The following GALNT13 variants were observed in gnomAD, a reference collection of about 807,000 sequenced individuals.
GALNT13 encodes UDP-GalNAc:polypeptide N-acetylgalactosaminyltransferase 13.
GALNT13 carries 28 observed loss-of-function variants against 64.2 expected under a neutral mutation model. The ratio of observed to expected loss-of-function variants is 0.44; its 90% CI spans 0.32 to 0.60. GALNT13 has a LOEUF of 0.60. Ranked by LOEUF, GALNT13 falls within the 20% of genes least tolerant of loss-of-function variation. The pLI is 0.05. For synonymous variants in GALNT13, 214 were observed against 224.6 expected, an observed-to-expected ratio of 0.95 and a Z score of 0.42; for missense variants, 577 against 669.8, an observed-to-expected ratio of 0.86 and a Z score of 1.53.
intron 3 of GALNT13, among the ~76,000 whole-genome samples, chr2:154,004,831 C>T (rs1696144857): frequency 6.6e-6 from 1 of 152,108 alleles, no homozygotes; most frequent in Admixed American, 6.5e-5. Context: ...TTACACAATG[C>T]TAAACAAACA....
At chr2:153,534,028 C>T in the GALNT13 span, among the ~76,000 whole-genome samples, 10 of 151,868 alleles carry the variant, frequency 6.6e-5, no homozygotes, top group East Asian at 7.8e-4. Flanking sequence ...CGTGAGCCAC[C>T]GTGCCTGGCA....
the GALNT13 span, among the ~76,000 whole-genome samples, chr2:153,377,053 G>A: frequency 1.6e-4 from 25 of 152,092 alleles, no homozygotes; most frequent in Admixed American, 1.6e-3. Flanking sequence ...GAGTGATTAA[G>A]CTAAATAAAG....
the GALNT13 span, among the ~76,000 whole-genome samples, chr2:153,470,899 A>G: frequency 6.6e-6 from 1 of 152,198 alleles, no homozygotes; most frequent in Non-Finnish European, 1.5e-5. Flanking sequence ...GGGGAAATGA[A>G]TAAAACACTT....
rs924092944 is a variant in GALNT13 at position 154,079,422 on chromosome 2, G to C, written c.143-60915G>C. ...TTGAGCCTTTCCTTTTTCTGACTTA[G>C]ATAATTGATAAAAAATATATATATT... On this transcript the variant is annotated intron_variant, in intron 3 of 12. Coordinates refer to ENST00000392825, the MANE Select transcript of GALNT13 (RefSeq NM_052917.4). Among the ~76,000 whole-genome samples the C allele has an allele frequency of 3.3e-5, 5 of 151,606 alleles. No individual in the cohort carries two copies. In the East Asian group the frequency reaches 9.7e-4, roughly 30 times the overall value.
chr2:154,339,914 A>G (rs1695664932), intron 9 of GALNT13, among the ~76,000 whole-genome samples: 1 of 152,130 alleles, frequency 6.6e-6, no homozygotes, highest in Admixed American at 6.6e-5. Flanking sequence ...GGTGAAATAT[A>G]CTGTCAGTTG....
the GALNT13 span, among the ~76,000 whole-genome samples, chr2:153,736,848 C>A: frequency 5.3e-5 from 8 of 152,166 alleles, no homozygotes; most frequent in Non-Finnish European, 8.8e-5. Flanking sequence ...TGACTGGCTG[C>A]CACCACCACC....
the GALNT13 span, among the ~76,000 whole-genome samples, chr2:153,422,843 C>T: frequency 6.6e-6 from 1 of 151,586 alleles, no homozygotes; most frequent in Non-Finnish European, 1.5e-5. Context: ...GTGGAAAACA[C>T]AACGACAAAA....
chr2:153,351,495 T>A, the GALNT13 span, among the ~76,000 whole-genome samples: 1 of 152,296 alleles, frequency 6.6e-6, no homozygotes, highest in South Asian at 2.1e-4. Context: ...ATAGTTTACG[T>A]TAGTTCACTC....
the GALNT13 span, among the ~76,000 whole-genome samples, chr2:153,730,879 G>A: frequency 1.1e-4 from 16 of 152,022 alleles, no homozygotes; most frequent in African/African-American, 3.6e-4. Context: ...TTATTAAAAA[G>A]TCAAAAGACA....
the GALNT13 span, among the ~76,000 whole-genome samples, chr2:153,305,660 C>T: frequency 6.6e-6 from 1 of 152,064 alleles, no homozygotes; most frequent in Admixed American, 6.5e-5. Flanking sequence ...ATGCCACTCC[C>T]TAGGCTCCTC....
intron 9 of GALNT13, among the ~76,000 whole-genome samples, chr2:154,339,988 T>G (rs1695669734): frequency 6.6e-6 from 1 of 152,160 alleles, no homozygotes; most frequent in Admixed American, 6.6e-5. Context: ...GCAGGTGTAT[T>G]AGGTCATATT....
intron 3 of GALNT13, among the ~76,000 whole-genome samples, chr2:153,965,469 T>C (rs1693267799): frequency 6.6e-6 from 1 of 152,098 alleles, no homozygotes; most frequent in African/African-American, 2.4e-5. Flanking sequence ...GTGCGTGGCT[T>C]GTTTTATTTC....
At chr2:154,154,757 G>A (rs910613308) in intron 4 of GALNT13, among the ~76,000 whole-genome samples, 1 of 152,138 alleles carries the variant, frequency 6.6e-6, no homozygotes, top group Non-Finnish European at 1.5e-5. Flanking sequence ...GTAAGTATTT[G>A]TGTATGTGCA....
chr2:154,362,499 G>T (rs543095555), intron 9 of GALNT13, among the ~76,000 whole-genome samples: 1 of 151,802 alleles, frequency 6.6e-6, no homozygotes, highest in South Asian at 2.1e-4. Flanking sequence ...ACTATTGGTG[G>T]GTGAGAGACC....
chr2:153,260,987 A>G, the GALNT13 span, among the ~76,000 whole-genome samples: 1 of 151,568 alleles, frequency 6.6e-6, no homozygotes, highest in Non-Finnish European at 1.5e-5. Context: ...ATGTTAAGAG[A>G]CTCTGATGCA....
At chr2:154,293,673 G>C (rs1692763761) in intron 8 of GALNT13, among the ~76,000 whole-genome samples, 1 of 152,106 alleles carries the variant, frequency 6.6e-6, no homozygotes, top group African/African-American at 2.4e-5. Context: ...GACAGAGCCT[G>C]TAGAAAAATT....
At chr2:153,730,096 A>G in the GALNT13 span, among the ~76,000 whole-genome samples, 10 of 151,966 alleles carry the variant, frequency 6.6e-5, no homozygotes, top group Non-Finnish European at 1.5e-4. Context: ...CAATTCTAAA[A>G]TTCATATGGA....
At chr2:153,602,383 A>G in the GALNT13 span, among the ~76,000 whole-genome samples, 2 of 151,752 alleles carry the variant, frequency 1.3e-5, no homozygotes, top group South Asian at 2.1e-4. Context: ...AAAGGGCTCT[A>G]GAGAAAAATA....
the GALNT13 span, among the ~76,000 whole-genome samples, chr2:153,743,128 G>A: frequency 1.8e-4 from 28 of 151,678 alleles, no homozygotes; most frequent in Non-Finnish European, 3.5e-4. Context: ...TGGGTTTGCT[G>A]GGTGGAATGG....
Sources: allele counts gnomAD v4.1 joint callset (sites outside exome capture counted in the v4.1 genomes callset), GRCh38; gene constraint gnomAD v4.1.1; transcripts MANE v1.5; gene names NCBI Gene and HGNC (gene_info 2026-07-23, HGNC 2026-07-21).